CATSPER3: variants seen among roughly 807,000 people sequenced by gnomAD.
CATSPER3 encodes cation channel sperm associated 3, also known as cation channel sperm-associated protein 3.
CATSPER3 carries 23 observed loss-of-function variants against 36.6 expected under a neutral mutation model. The observed-to-expected ratio is 0.63, with a 90% CI of 0.45 to 0.89. CATSPER3 has a LOEUF of 0.89. CATSPER3 is among the 40% of genes least tolerant of loss of function. The probability of loss-of-function intolerance (pLI) is 0.00; values close to 1 mark genes in which losing one functional copy is unlikely to be tolerated. For missense variants in CATSPER3, 474 were observed against 503.9 expected, an observed-to-expected ratio of 0.94 and a Z score of 0.57; for synonymous variants, 172 against 184.1, an observed-to-expected ratio of 0.93 and a Z score of 0.53.
In CATSPER3 at chr5:134,968,054, A is replaced by C. The variant is rs1347063632; in HGVS notation, c.63A>C (p.Thr21=). ...TTTCTAGTTCACCAGTTGACACTACATCGGTGGGATTTTGCCCAACATTCA... is the reference window on the plus strand; with the variant it reads ...TTTCTAGTTCACCAGTTGACACTACCTCGGTGGGATTTTGCCCAACATTCA... ...RVISSSPVDT[T]SVGFCPTFKK... is the part of the protein sequence containing the mutation. Residue 21 remains threonine, a synonymous_variant, in exon 1 of 8, where the codon ACA becomes ACC. Transcript: ENST00000282611. The C allele has an allele frequency of 6.2e-6, 10 of 1,613,794 alleles. No individual in the cohort carries two copies. Among genetic ancestry groups the C allele is most frequent in the Non-Finnish European group, 8.5e-6 (10 of 1,179,788 alleles).
intron 2 of CATSPER3, among the ~76,000 whole-genome samples, chr5:134,986,518 A>G (rs1264294593): frequency 2.0e-5 from 3 of 147,626 alleles, no homozygotes; most frequent in African/African-American, 5.1e-5. Context: ...CTGGAGTGCA[A>G]TGGCACAACC....
intron 3 of CATSPER3, among the ~76,000 whole-genome samples, chr5:135,003,968 G>A (rs1247735276): frequency 6.6e-6 from 1 of 152,180 alleles, no homozygotes; most frequent in Non-Finnish European, 1.5e-5. Context: ...TCCTGCACCC[G>A]CTGTCCGACA....
Position 135,010,511 on chromosome 5 carries a change from C to A in CATSPER3, c.1075C>A (p.Gln359Lys). Residue 359 changes from glutamine (Q) to lysine (K), a missense_variant, in exon 7 of 8, where the codon CAG (glutamine) becomes AAG (lysine). By Grantham distance (53) the Gln-to-Lys change is moderately conservative (BLOSUM62 1). Coordinates refer to ENST00000282611, the MANE Select transcript of CATSPER3 (RefSeq NM_178019.3). ...IDIYFSTLDY[Q>K]DTTVHKLQEL... ...TATCTACTTTTCCACTCTGGACTAC[C>A]AGGACACAACTGTCCACAAGTCAGT... The A allele has an allele frequency of 6.2e-7, 1 of 1,614,166 alleles. No homozygotes were observed. Among genetic ancestry groups the A allele is most frequent in the Non-Finnish European group, 8.5e-7 (1 of 1,179,970 alleles).
intron 2 of CATSPER3, among the ~76,000 whole-genome samples, chr5:134,994,620 A>C (rs1385021889): frequency 6.6e-6 from 1 of 152,238 alleles, no homozygotes; most frequent in Non-Finnish European, 1.5e-5. Context: ...AGATATCTTA[A>C]AAATGTAAAT....
chr5:134,995,480 G>C lies in CATSPER3; in HGVS notation c.253-793G>C, dbSNP rs887598815. Among the ~76,000 whole-genome samples, 10 of 152,066 alleles carry C rather than the reference G, an allele frequency of 6.6e-5. No individual in the cohort carries two copies. The East Asian group carries it at 1.5e-3, about 24-fold the overall frequency. On this transcript the variant is annotated intron_variant, in intron 2 of 7. Coordinates refer to ENST00000282611, the MANE Select transcript of CATSPER3 (RefSeq NM_178019.3). ...CGAGTCCCTTTATCTTCTTTGGCTG[G>C]TTTATTTTCCTTCCTGCCTGACATT...
At chr5:134,999,567 TA>T (rs888501084) in intron 3 of CATSPER3, among the ~76,000 whole-genome samples, 1 of 152,254 alleles carries the variant, frequency 6.6e-6, no homozygotes, top group African/African-American at 2.4e-5. Context: ...CATTTGTTTG[TA>T]TCCTCTTTTA....
Position 134,996,428 on chromosome 5 carries a change from C to G in CATSPER3, c.408C>G (p.Gly136=), listed in dbSNP as rs1751947505. 6.2e-7 allele frequency: 1 copy of G among 1,614,072 alleles called. No homozygotes were observed. Among genetic ancestry groups the G allele is most frequent in the African/African-American group, 1.3e-5 (1 of 74,950 alleles). The stretch of plus-strand genomic sequence containing the variant: ...CCTATGCCCTCCGCCAGCTCATGGG[C>G]AAACAGTTCACTTACCTGTATATCG... ...FLPYALRQLM[G]KQFTYLYIAD... is the part of the protein sequence containing the mutation. The change falls in exon 3 of 8, where the codon GGC becomes GGG. Residue 136 remains glycine, a synonymous_variant. Transcript: ENST00000282611.
Position 134,972,910 on chromosome 5 carries a change from GCTTATAAGAAGATAATCA to G in CATSPER3, c.252+2824_252+2841del, listed in dbSNP as rs376627472. On this transcript the variant is annotated intron_variant, in intron 2 of 7. Transcript: ENST00000282611. The stretch of plus-strand genomic sequence containing the variant: ...GGAAACTAAGTATCAATGCAATGTG[GCTTATAAGAAGATAATCA>G]CTTATCATCAAACTTTGCTATGGTA... 1.3e-3 allele frequency among the ~76,000 whole-genome samples: 198 copies of G among 152,272 alleles called. 2 individuals carry two copies. The East Asian group carries it at 0.036, about 28-fold the overall frequency.
chr5:134,987,214 G>T (rs963903145), intron 2 of CATSPER3, among the ~76,000 whole-genome samples: 30 of 152,256 alleles, frequency 2.0e-4, no homozygotes, highest in African/African-American at 6.5e-4. Flanking sequence ...GGTTATAGGA[G>T]AATACTATAA....
intron 3 of CATSPER3, among the ~76,000 whole-genome samples, chr5:135,003,615 CCAGCCGCTTTGTTTACCTACT>C (rs1752048567): frequency 6.6e-6 from 1 of 152,234 alleles, no homozygotes; most frequent in African/African-American, 2.4e-5. Flanking sequence ...TTTGAGCTTC[CCAGCCGCTTTGTTTACCTACT>C]CAAGCCTCAG....
rs146743855 is a variant in CATSPER3 at position 134,968,034 on chromosome 5, A to G, written c.43A>G (p.Ser15Gly). The G allele has an allele frequency of 2.5e-6, 4 of 1,614,018 alleles. No homozygotes were observed. ...RHQRHSRVIS[S>G]SPVDTTSVGF... ...CCAGCGCCACTCGAGAGTCATTTCT[A>G]GTTCACCAGTTGACACTACATCGGT... The change falls in exon 1 of 8, where the codon AGT becomes GGT. Residue 15 changes from serine (S) to glycine (G), a missense_variant. Physicochemically the swap from Ser to Gly is moderately conservative, Grantham distance 56. Transcript: ENST00000282611.
At chr5:134,969,577 G>T (rs989540573) in intron 1 of CATSPER3, 16 of 308,810 alleles carry the variant, frequency 5.2e-5, no homozygotes, top group African/African-American at 3.0e-4. Context: ...GCAATATTTA[G>T]TCTTGCTGTC....
intron 2 of CATSPER3, among the ~76,000 whole-genome samples, chr5:134,975,901 T>TAA (rs1751667269): frequency 6.6e-6 from 1 of 152,202 alleles, no homozygotes; most frequent in Non-Finnish European, 1.5e-5. Context: ...GAATGGATTT[T>TAA]AAAATGTGCT....
chr5:135,008,445 C>G (rs1400385151), intron 4 of CATSPER3, among the ~76,000 whole-genome samples: 1 of 152,166 alleles, frequency 6.6e-6, no homozygotes, highest in Non-Finnish European at 1.5e-5. Flanking sequence ...AAACCCATGT[C>G]ATATAGCCTT....
At chr5:134,997,161 G>T (rs1350548176) in intron 3 of CATSPER3, among the ~76,000 whole-genome samples, 1 of 152,304 alleles carries the variant, frequency 6.6e-6, no homozygotes, top group South Asian at 2.1e-4. Flanking sequence ...CCTTCTCCAG[G>T]TGGGGGCTGG....
At chr5:134,995,481 T>C (rs956262873) in intron 2 of CATSPER3, among the ~76,000 whole-genome samples, 8 of 152,238 alleles carry the variant, frequency 5.3e-5, no homozygotes, top group African/African-American at 1.9e-4. Context: ...CTTTGGCTGG[T>C]TTATTTTCCT....
intron 3 of CATSPER3, among the ~76,000 whole-genome samples, chr5:134,999,721 G>T (rs1030840676): frequency 1.3e-5 from 2 of 152,162 alleles, no homozygotes; most frequent in Admixed American, 6.5e-5. Context: ...TGTGTTATTG[G>T]TGTATAGGAA....
At chr5:134,976,994 C>T (rs2149546075) in intron 2 of CATSPER3, among the ~76,000 whole-genome samples, 1 of 152,286 alleles carries the variant, frequency 6.6e-6, no homozygotes, top group South Asian at 2.1e-4. Flanking sequence ...CTGGGCCTGG[C>T]CCCAGAAATC....
chr5:135,005,164 G>A (rs1752069583), intron 3 of CATSPER3, among the ~76,000 whole-genome samples: 1 of 152,214 alleles, frequency 6.6e-6, no homozygotes. Context: ...ACTTGCTGCT[G>A]GCTTAGTGCA....
Sources: gnomAD v4.1 joint callset for allele counts (sites outside exome capture counted in the v4.1 genomes callset) on GRCh38, gnomAD v4.1.1 for gene constraint, MANE v1.5 for transcripts, NCBI Gene and HGNC (gene_info 2026-07-23, HGNC 2026-07-21) for gene names.